BMF: variants seen among roughly 807,000 people sequenced by gnomAD.
BMF encodes the protein bcl-2-modifying factor.
In BMF, 10 loss-of-function variants were observed where a neutral mutation model predicts 22.0. The observed-to-expected ratio is 0.45, with a 90% CI of 0.28 to 0.77. The LOEUF is 0.77. BMF is among the 30% of genes least tolerant of loss of function. The pLI, the probability that BMF is intolerant of heterozygous loss-of-function variation, is 0.13. For synonymous variants in BMF, 87 were observed against 88.1 expected, an observed-to-expected ratio of 0.99 and a Z score of 0.07; for missense variants, 206 against 226.8, an observed-to-expected ratio of 0.91 and a Z score of 0.59.
At chr15:40,092,278 GCC>G (rs575275129) in intron 4 of BMF, among the ~76,000 whole-genome samples, 1 of 152,052 alleles carries the variant, frequency 6.6e-6, no homozygotes, top group African/African-American at 2.4e-5. Flanking sequence ...GAGAAGAAGT[GCC>G]CCCCTCTCTC....
In BMF at chr15:40,091,676, C is replaced by T. The variant is rs962922307; in HGVS notation, c.*111G>A. The T allele has an allele frequency of 3.7e-6, 3 of 818,932 alleles. No individual in the cohort carries two copies. The highest frequency in any genetic ancestry group is 3.5e-5 in the African/African-American group (2 of 57,196). 50.7% of individuals were successfully genotyped at this position (818,932 alleles called of 1,614,324 possible). On this transcript the variant is annotated 3_prime_UTR_variant, in exon 5 of 5. Coordinates refer to ENST00000354670, the MANE Select transcript of BMF (RefSeq NM_001003940.2). Reference sequence around the variant, plus strand: ...AGAGAAATTAAAAAAAATTAAAACACAAAATAACAACAAAAAAACAATTTC... The same window carrying T: ...AGAGAAATTAAAAAAAATTAAAACATAAAATAACAACAAAAAAACAATTTC...
intron 3 of BMF, 127 bp from the exon 4 acceptor site, chr15:40,104,467 C>G (rs764453733): frequency 5.9e-5 from 73 of 1,247,704 alleles, no homozygotes; most frequent in Non-Finnish European, 7.7e-5. Flanking sequence ...AGGAGCCAGC[C>G]TGCCTCTATT....
At position 40,091,702 on chromosome 15, in the gene BMF, A is replaced by G. The variant is rs549743415; in HGVS notation, c.*85T>C. The G allele has an allele frequency of 4.7e-5, 47 of 996,170 alleles. 1 individual carries two copies. In the East Asian group the frequency reaches 1.0e-3, roughly 22 times the overall value. 61.7% of individuals were successfully genotyped at this position (996,170 alleles called of 1,614,324 possible). On this transcript the variant is annotated 3_prime_UTR_variant, in exon 5 of 5. Transcript: ENST00000354670. ...AAAATAACAACAAAAAAACAATTTC[A>G]CAAGACACAGTGTCAGTCCTGCCCG...
chr15:40,092,492 C>T (rs565565151), intron 4 of BMF, among the ~76,000 whole-genome samples: 3 of 152,270 alleles, frequency 2.0e-5, no homozygotes, highest in African/African-American at 7.2e-5. Flanking sequence ...TGCGCCCGCC[C>T]GCTCTCCCTC....
rs1262817903 is a variant in BMF, at chr15:40,091,621, C to G, written c.*166G>C. ...CAAGGGCCTGACAGAGAAAGAAGGTCCCGCTTGAGTATGTTGTATGTACAC... is the reference window on the plus strand; with the variant it reads ...CAAGGGCCTGACAGAGAAAGAAGGTGCCGCTTGAGTATGTTGTATGTACAC... On this transcript the variant is annotated 3_prime_UTR_variant, in exon 5 of 5. Transcript: ENST00000354670. 1.4e-5 allele frequency: 8 copies of G among 578,204 alleles called. No homozygotes were observed. Among genetic ancestry groups the G allele is most frequent in the Non-Finnish European group, 2.5e-5 (8 of 324,078 alleles). 35.8% of individuals were successfully genotyped at this position (578,204 alleles called of 1,614,324 possible). A position where few individuals can be genotyped will look rare whatever the true frequency, so the allele number is the denominator to read the frequency against.
At chr15:40,096,577 A>G (rs1284141415) in intron 4 of BMF, among the ~76,000 whole-genome samples, 1 of 152,248 alleles carries the variant, frequency 6.6e-6, no homozygotes, top group African/African-American at 2.4e-5. Flanking sequence ...AACCCATTTT[A>G]GAGCGACGGA....
At position 40,106,178 on chromosome 15, in the gene BMF, T is replaced by G; in HGVS notation, c.-5-87A>C. 1 of 1,419,666 alleles carries G rather than the reference T, an allele frequency of 7.0e-7. No individual in the cohort carries two copies. The allele number at this position is 1,419,666 out of a possible 1,614,324, so 87.9% of individuals were successfully genotyped here. On this transcript the variant is annotated intron_variant, in intron 2 of 4. Coordinates refer to ENST00000354670, the MANE Select transcript of BMF (RefSeq NM_001003940.2). This position sits in a 1 kb window ranked among gnomAD's most constrained non-coding sequence, Gnocchi z 4.1. ...TCCCCTTCCCTTCTTCCTACCATAC[T>G]CCCCCTTCTTATTTGAGCTGGCCGG...
chr15:40,097,201 GAGCTACCAAGCACCCAA>G (rs2036381977), intron 4 of BMF, among the ~76,000 whole-genome samples: 1 of 150,220 alleles, frequency 6.7e-6, no homozygotes, highest in African/African-American at 2.5e-5. Context: ...GCACCCAACT[GAGCTACCAAGCACCCAA>G]CTGAGCTACC....
intron 4 of BMF, among the ~76,000 whole-genome samples, chr15:40,093,482 G>A (rs536455793): frequency 5.3e-5 from 8 of 152,148 alleles, no homozygotes; most frequent in South Asian, 2.1e-4. Context: ...AAACACACCC[G>A]GCTTAACAAA....
Position 40,089,241 on chromosome 15 carries a change from A to G in BMF, c.*2546T>C. On this transcript the variant is annotated 3_prime_UTR_variant, in exon 5 of 5. Coordinates refer to ENST00000354670, the MANE Select transcript of BMF (RefSeq NM_001003940.2). ...GGGGAGGGGCAGGTCTCCTGAGGCTAGACTTGAGGAATGTTTAGGCCAACT... is the reference window on the plus strand; with the variant it reads ...GGGGAGGGGCAGGTCTCCTGAGGCTGGACTTGAGGAATGTTTAGGCCAACT... 1 of 152,300 alleles carries G rather than the reference A, an allele frequency of 6.6e-6. No individual in the cohort carries two copies. The allele number at this position is 152,300 out of a possible 1,614,324, so 9.4% of individuals were successfully genotyped here.
At position 40,098,935 on chromosome 15, in the gene BMF, C is replaced by T. The variant is rs570687801; in HGVS notation, c.453+5245G>A. ...TGACTCAGAAGCTAAATATAGCGAG[C>T]GATATAAACAGAGCCAGCCACAGAG... On this transcript the variant is annotated intron_variant, in intron 4 of 4. Coordinates refer to ENST00000354670, the MANE Select transcript of BMF (RefSeq NM_001003940.2). Among the ~76,000 whole-genome samples the T allele has an allele frequency of 5.9e-5, 9 of 152,272 alleles. No homozygotes were observed. In the East Asian group the frequency reaches 1.4e-3, roughly 23 times the overall value.
Position 40,105,937 on chromosome 15 carries a change from G to C in BMF, c.150C>G (p.Phe50Leu). The C allele has an allele frequency of 6.2e-7, 1 of 1,614,192 alleles. No individual in the cohort carries two copies. The highest frequency in any genetic ancestry group is 1.1e-5 in the South Asian group (1 of 91,086). Reference sequence around the variant, plus strand: ...CAGGGCCACAGCAGTGGGTGAGAGGGAAGAGCTGAAGTCGGCTGAGGGGGC... The same window carrying C: ...CAGGGCCACAGCAGTGGGTGAGAGGCAAGAGCTGAAGTCGGCTGAGGGGGC... ...LDCPLSRLQL[F>L]PLTHCCGPGL... Residue 50 changes from phenylalanine (F) to leucine (L), a missense_variant, in exon 3 of 5, where the codon TTC becomes TTG. Phe to Leu is a conservative substitution (Grantham distance 22). Transcript: ENST00000354670.
rs547385807 is a variant in BMF at position 40,091,406 on chromosome 15, AT to A, written c.*380del. 7.1e-5 allele frequency: 12 copies of A among 169,168 alleles called. No individual in the cohort carries two copies. The highest frequency in any genetic ancestry group is 1.5e-4 in the Non-Finnish European group (12 of 78,404). 10.5% of individuals were successfully genotyped at this position (169,168 alleles called of 1,614,324 possible). A position where few individuals can be genotyped will look rare whatever the true frequency, so the allele number is the denominator to read the frequency against. On this transcript the variant is annotated 3_prime_UTR_variant, in exon 5 of 5. Transcript: ENST00000354670. The stretch of plus-strand genomic sequence containing the variant: ...GAACTGGGAGTCTAATCCACTCTCG[AT>A]TTCTTAACTGAGTTCCTCTGGAAAA...
rs999078419 is a variant in BMF at position 40,106,887 on chromosome 15, T to A, written c.-5-796A>T. On this transcript the variant is annotated intron_variant, in intron 2 of 4. Coordinates refer to ENST00000354670, the MANE Select transcript of BMF (RefSeq NM_001003940.2). The surrounding 1 kb of genome is among the most constrained non-coding windows in gnomAD (Gnocchi z 4.1). ...TCCAGCCTCTCCCAACTAAGTCTCC[T>A]CACTAGTCTCCACGACTTCAAATCC... is the stretch of plus-strand genomic sequence containing the variant. Among the ~76,000 whole-genome samples, 3 of 152,146 alleles carry A rather than the reference T, an allele frequency of 2.0e-5. No homozygotes were observed. Among genetic ancestry groups the A allele is most frequent in the Non-Finnish European group, 4.4e-5 (3 of 68,028 alleles).
At position 40,106,243 on chromosome 15, in the gene BMF, T is replaced by G; in HGVS notation, c.-5-152A>C. 1 of 844,274 alleles carries G rather than the reference T, an allele frequency of 1.2e-6. No individual in the cohort carries two copies. 52.3% of individuals were successfully genotyped at this position (844,274 alleles called of 1,614,324 possible). ...ACATACAACCCTGGTAATAAAGCAC[T>G]GCTAAGGGTGACATTCACTCCCCAA... On this transcript the variant is annotated intron_variant, in intron 2 of 4. Coordinates refer to ENST00000354670, the MANE Select transcript of BMF (RefSeq NM_001003940.2). The surrounding 1 kb of genome is among the most constrained non-coding windows in gnomAD (Gnocchi z 4.1).
At chr15:40,099,587 T>C (rs1281537920) in intron 4 of BMF, among the ~76,000 whole-genome samples, 10 of 151,992 alleles carry the variant, frequency 6.6e-5, no homozygotes, top group African/African-American at 2.4e-4. Flanking sequence ...AAGACAAGCC[T>C]GACCGACATG....
In BMF at chr15:40,091,492, C is replaced by G. The variant is rs546600317; in HGVS notation, c.*295G>C. 2 of 296,742 alleles carry G rather than the reference C, an allele frequency of 6.7e-6. No homozygotes were observed. The highest frequency in any genetic ancestry group is 1.2e-4 in the East Asian group (2 of 17,322). 18.4% of individuals were successfully genotyped at this position (296,742 alleles called of 1,614,324 possible). A position where few individuals can be genotyped will look rare whatever the true frequency, so the allele number is the denominator to read the frequency against. On this transcript the variant is annotated 3_prime_UTR_variant, in exon 5 of 5. Coordinates refer to ENST00000354670, the MANE Select transcript of BMF (RefSeq NM_001003940.2). Reference sequence around the variant, plus strand: ...GATCATCTTCGACAACTGGTAGATTCCTCAGTCGAAGAATCTACTTGTCAG... The same window carrying G: ...GATCATCTTCGACAACTGGTAGATTGCTCAGTCGAAGAATCTACTTGTCAG...
chr15:40,090,593 CT>C lies in BMF; in HGVS notation c.*1193del, dbSNP rs1397216480. 1.3e-5 allele frequency: 2 copies of C among 152,630 alleles called. No homozygotes were observed. Among genetic ancestry groups the C allele is most frequent in the African/African-American group, 2.4e-5 (1 of 41,452 alleles). The allele number at this position is 152,630 out of a possible 1,614,324, so 9.5% of individuals were successfully genotyped here. ...CTGCTGGGTTCCAGAGCATGCCCTT[CT>C]GGCCTAGCTGGAAGCTGGAGGAAGA... On this transcript the variant is annotated 3_prime_UTR_variant, in exon 5 of 5. Coordinates refer to ENST00000354670, the MANE Select transcript of BMF (RefSeq NM_001003940.2).
intron 3 of BMF, among the ~76,000 whole-genome samples, chr15:40,104,695 G>A (rs2036548408): frequency 6.6e-6 from 1 of 152,228 alleles, no homozygotes; most frequent in African/African-American, 2.4e-5. Context: ...GCAGGTTGAA[G>A]CTCTTCTCTG....
Sources: gnomAD v4.1 joint callset for allele counts (sites outside exome capture counted in the v4.1 genomes callset) on GRCh38, gnomAD v4.1.1 for gene constraint, Gnocchi (gnomAD v3.1) non-coding constraint, MANE v1.5 for transcripts, NCBI Gene and HGNC (gene_info 2026-07-23, HGNC 2026-07-21) for gene names.